Variants in MBOAT1 observed in about 807,000 individuals in gnomAD.
MBOAT1 encodes the protein membrane bound glycerophospholipid O-acyltransferase 1.
In MBOAT1, 67 loss-of-function variants were observed where a neutral mutation model predicts 64.4. That is an observed-to-expected ratio of 1.04 (90% CI 0.85 to 1.27). MBOAT1 has a LOEUF of 1.27. Ranked by LOEUF, MBOAT1 falls within the 50% of genes most tolerant of loss-of-function variation. MBOAT1 has a pLI of 0.00. For synonymous variants in MBOAT1, 229 were observed against 218.9 expected (o/e 1.05, Z -0.41); for missense variants, 563 against 604.6 (o/e 0.93, Z 0.72).
rs1485494876 is a variant in MBOAT1 at position 20,118,888 on chromosome 6, A to C, written c.908-348T>G. On this transcript the variant is annotated intron_variant, in intron 8 of 12. Transcript: ENST00000324607. Reference sequence around the variant, plus strand: ...AGAATTTAGTGACCAACTTGACAGGAGGGGAGAAAAGAAAGGTGGTAAGAA... The same window carrying C: ...AGAATTTAGTGACCAACTTGACAGGCGGGGAGAAAAGAAAGGTGGTAAGAA... 3.3e-5 allele frequency among the ~76,000 whole-genome samples: 5 copies of C among 152,182 alleles called. No individual in the cohort carries two copies. The East Asian group carries it at 9.6e-4, about 29-fold the overall frequency.
chr6:20,174,912 C>T (rs543525916), intron 1 of MBOAT1, among the ~76,000 whole-genome samples: 55 of 152,166 alleles, frequency 3.6e-4, no homozygotes, highest in Non-Finnish European at 6.5e-4. Context: ...GTTATTTTCA[C>T]ATGTGACATT....
intron 4 of MBOAT1, among the ~76,000 whole-genome samples, chr6:20,140,009 G>A (rs1460180765): frequency 1.3e-5 from 2 of 152,138 alleles, no homozygotes; most frequent in Non-Finnish European, 2.9e-5. Context: ...CAGGACCAAA[G>A]CCTTTCCTTG....
At chr6:20,108,138 G>T (rs943244963) in intron 12 of MBOAT1, among the ~76,000 whole-genome samples, 2 of 152,140 alleles carry the variant, frequency 1.3e-5, no homozygotes, top group South Asian at 4.1e-4. Context: ...TGGAATAATC[G>T]CTGGCAACAC....
intron 3 of MBOAT1, among the ~76,000 whole-genome samples, chr6:20,150,631 TG>T (rs1761463959): frequency 6.6e-6 from 1 of 150,972 alleles, no homozygotes; most frequent in Admixed American, 6.6e-5. Context: ...AGCACAATCT[TG>T]GCCCACTGCA....
chr6:20,123,500 C>G (rs1340611885), intron 8 of MBOAT1, among the ~76,000 whole-genome samples: 1 of 151,632 alleles, frequency 6.6e-6, no homozygotes, highest in East Asian at 1.9e-4. Flanking sequence ...CAACTGCAGT[C>G]TAAAATTGTT....
Position 20,113,021 on chromosome 6 carries a change from G to A in MBOAT1, c.1077-13C>T, listed in dbSNP as rs765446650. On this transcript the variant is annotated splice_polypyrimidine_tract_variant and intron_variant, in intron 10 of 12. Transcript: ENST00000324607. ...CTGATAGCACACACTGTGAAGAGAG[G>A]AAGGAACAAGACACAGGTGAAACAT... is the stretch of plus-strand genomic sequence containing the variant. The A allele has an allele frequency of 1.9e-6, 3 of 1,611,076 alleles. No homozygotes were observed. The Admixed American group carries it at 5.0e-5, about 27-fold the overall frequency.
At chr6:20,174,472 T>C (rs11963594) in intron 1 of MBOAT1, among the ~76,000 whole-genome samples, 1 of 152,192 alleles carries the variant, frequency 6.6e-6, no homozygotes, top group African/African-American at 2.4e-5. Context: ...ACAGTAATAA[T>C]ACAGCAGAAA....
At chr6:20,186,107 T>C (rs1762644595) in intron 1 of MBOAT1, among the ~76,000 whole-genome samples, 1 of 152,130 alleles carries the variant, frequency 6.6e-6, no homozygotes, top group Admixed American at 6.5e-5. Flanking sequence ...CGCTTGAGCC[T>C]AGGAGCTTGA....
At chr6:20,121,538 C>T (rs535476725) in intron 8 of MBOAT1, among the ~76,000 whole-genome samples, 1 of 152,316 alleles carries the variant, frequency 6.6e-6, no homozygotes, top group African/African-American at 2.4e-5. Context: ...CTGCAGATGT[C>T]TGGGGAACTC....
chr6:20,142,015 C>T (rs1191610560), intron 4 of MBOAT1, among the ~76,000 whole-genome samples: 1 of 152,120 alleles, frequency 6.6e-6, no homozygotes, highest in African/African-American at 2.4e-5. Context: ...TCGAACCTGG[C>T]ATTTACCTAA....
chr6:20,105,275 C>G (rs1759917256), intron 12 of MBOAT1, among the ~76,000 whole-genome samples: 1 of 152,168 alleles, frequency 6.6e-6, no homozygotes, highest in Non-Finnish European at 1.5e-5. Flanking sequence ...TGGAAAACAC[C>G]TAGTAAGGTT....
In MBOAT1 at chr6:20,168,559, AAGAG is replaced by A. The variant is rs1327012548; in HGVS notation, c.100-15794_100-15791del. ...AGAGGAGAGGAGAGGGAAACAGAGA[AAGAG>A]AAAGAGAGAGAGAGAAAGAGAGAGA... On this transcript the variant is annotated intron_variant, in intron 1 of 12. Transcript: ENST00000324607. 2.4e-5 allele frequency among the ~76,000 whole-genome samples: 3 copies of A among 122,890 alleles called. No individual in the cohort carries two copies. The Admixed American group carries it at 2.5e-4, about 10-fold the overall frequency. The allele number at this position is 122,890 out of a possible 152,430, so 80.6% of individuals were successfully genotyped here. A position where few individuals can be genotyped will look rare whatever the true frequency, so the allele number is the denominator to read the frequency against.
chr6:20,212,009 C>CACA, intron 1 of MBOAT1, 127 bp downstream of exon 1: 3 of 680,908 alleles, frequency 4.4e-6, no homozygotes, highest in African/African-American at 3.7e-5. Context: ...CACACAAAAA[C>CACA]CAACTGTCTA....
chr6:20,150,143 G>C (rs1761447575), intron 3 of MBOAT1, among the ~76,000 whole-genome samples: 1 of 152,114 alleles, frequency 6.6e-6, no homozygotes, highest in Non-Finnish European at 1.5e-5. Context: ...CAGATACCCA[G>C]GTATCTCAGT....
At chr6:20,198,939 G>A (rs1763042128) in intron 1 of MBOAT1, among the ~76,000 whole-genome samples, 1 of 152,110 alleles carries the variant, frequency 6.6e-6, no homozygotes, top group African/African-American at 2.4e-5. Context: ...TCTGTACATC[G>A]TAAACTTTAA....
intron 1 of MBOAT1, among the ~76,000 whole-genome samples, chr6:20,186,723 G>T (rs1220899903): frequency 6.6e-6 from 1 of 152,212 alleles, no homozygotes. Flanking sequence ...CTGGGTCTGG[G>T]ACTTAAGACA....
intron 8 of MBOAT1, among the ~76,000 whole-genome samples, chr6:20,118,884 C>G (rs548558855): frequency 1.3e-5 from 2 of 152,134 alleles, no homozygotes; most frequent in Admixed American, 1.3e-4. Context: ...ACCAACTTGA[C>G]AGGAGGGGAG....
intron 1 of MBOAT1, among the ~76,000 whole-genome samples, chr6:20,184,135 G>A (rs913183946): frequency 2.6e-5 from 4 of 152,180 alleles, no homozygotes; most frequent in Non-Finnish European, 4.4e-5. Context: ...AAATTTAACA[G>A]TATTTTAGCA....
chr6:20,166,956 G>GA (rs1762032571), intron 1 of MBOAT1, among the ~76,000 whole-genome samples: 1 of 149,766 alleles, frequency 6.7e-6, no homozygotes, highest in Non-Finnish European at 1.5e-5. Context: ...TGAAAGAAAA[G>GA]AAAAAAAGAA....
Sources: gnomAD v4.1 joint callset for allele counts (sites outside exome capture counted in the v4.1 genomes callset) on GRCh38, gnomAD v4.1.1 for gene constraint, MANE v1.5 for transcripts, NCBI Gene and HGNC (gene_info 2026-07-23, HGNC 2026-07-21) for gene names.